The following WWP2 variants were observed in gnomAD, a reference collection of about 807,000 sequenced individuals.
WWP2 encodes the protein WW domain containing E3 ubiquitin protein ligase 2.
Under a neutral mutation model 121.0 loss-of-function variants are expected in WWP2, and 57 were observed. The ratio of observed to expected loss-of-function variants is 0.47; its 90% confidence interval spans 0.38 to 0.59. WWP2 has a LOEUF of 0.59. Among genes scored for constraint, WWP2 ranks in the 20% least tolerant of loss-of-function variants. The pLI, the probability that WWP2 is intolerant of heterozygous loss-of-function variation, is 0.00. For synonymous variants in WWP2, 449 were observed against 441.3 expected (o/e 1.02, Z -0.22); for missense variants, 962 against 1,158.9 (o/e 0.83, Z 2.47).
intron 1 of WWP2, among the ~76,000 whole-genome samples, chr16:69,778,695 G>C (rs2055593851): frequency 6.6e-6 from 1 of 152,084 alleles, no homozygotes; most frequent in African/African-American, 2.4e-5. Context: ...AGGCTGGAGT[G>C]CAGTGGTGCG....
intron 7 of WWP2, among the ~76,000 whole-genome samples, chr16:69,876,354 G>GT (rs57953452): frequency 0.01 from 1,367 of 134,558 alleles, 17 homozygotes; most frequent in African/African-American, 0.026. Flanking sequence ...GTTTTTTGGG[G>GT]TTTTTTTTTT....
In WWP2 at chr16:69,925,101, G is replaced by T; in HGVS notation, c.1180-329G>T. 9.3e-7 allele frequency: 1 copy of T among 1,078,750 alleles called. No homozygotes were observed. Among genetic ancestry groups the T allele is most frequent in the Non-Finnish European group, 1.1e-6 (1 of 890,140 alleles). The allele number at this position is 1,078,750 out of a possible 1,614,324, so 66.8% of individuals were successfully genotyped here. A position where few individuals can be genotyped will look rare whatever the true frequency, so the allele number is the denominator to read the frequency against. On this transcript the variant is annotated intron_variant, in intron 10 of 23. Coordinates refer to ENST00000359154, the MANE Select transcript of WWP2 (RefSeq NM_001270454.2). The surrounding 1 kb of genome is among the most constrained non-coding windows in gnomAD (Gnocchi z 4.0). ...GCACTGGGCCGAGCCTGCTTCCCGG[G>T]CCTTCCTACCATGCCAGGGCTGCTC...
At chr16:69,909,199 G>A in intron 9 of WWP2, 1 of 1,019,304 alleles carries the variant, frequency 9.8e-7, no homozygotes, top group Non-Finnish European at 1.2e-6. Context: ...CAAAGGATGA[G>A]AGAGGCTTCC....
intron 4 of WWP2, among the ~76,000 whole-genome samples, chr16:69,831,451 G>GT (rs1364696042): frequency 2.0e-5 from 3 of 151,894 alleles, no homozygotes; most frequent in South Asian, 2.1e-4. Context: ...AGTTTATGTA[G>GT]TTTTTTTTCT....
At chr16:69,895,044 T>G (rs548119585) in intron 8 of WWP2, 33 of 152,360 alleles carry the variant, frequency 2.2e-4, no homozygotes, top group African/African-American at 7.7e-4. Flanking sequence ...GGATGTTTTC[T>G]GGATCTTTCG....
chr16:69,886,496 A>G (rs887729140), intron 7 of WWP2, among the ~76,000 whole-genome samples: 4 of 152,008 alleles, frequency 2.6e-5, no homozygotes, highest in South Asian at 2.1e-4. Context: ...GCCCTGGCTC[A>G]TGCCTGTAAT....
At chr16:69,918,401 A>T (rs1358278099) in intron 10 of WWP2, among the ~76,000 whole-genome samples, 1 of 152,234 alleles carries the variant, frequency 6.6e-6, no homozygotes, top group African/African-American at 2.4e-5. Flanking sequence ...ATAATAGTCC[A>T]TGGGCCAAGC....
rs2056116389 is a variant in WWP2 at position 69,799,460 on chromosome 16, C to T, written c.340+165C>T. The T allele has an allele frequency of 1.1e-5, 10 of 910,040 alleles. No individual in the cohort carries two copies. Among genetic ancestry groups the T allele is most frequent in the Non-Finnish European group, 1.6e-5 (10 of 627,006 alleles). The allele number at this position is 910,040 out of a possible 1,614,324, so 56.4% of individuals were successfully genotyped here. On this transcript the variant is annotated intron_variant, in intron 4 of 23. Transcript: ENST00000359154. The surrounding 1 kb of genome is among the most constrained non-coding windows in gnomAD (Gnocchi z 4.5). ...TGGGAAGGCTGAGGGCTCCTCTCTG[C>T]CTCCACTACAGAGTTTAGCCCTCTT... is the stretch of plus-strand genomic sequence containing the variant.
At chr16:69,870,827 C>T (rs941352375) in intron 6 of WWP2, among the ~76,000 whole-genome samples, 1 of 152,148 alleles carries the variant, frequency 6.6e-6, no homozygotes, top group Admixed American at 6.5e-5. Context: ...ACTGAGTGGG[C>T]AAAGTCAAGC....
At chr16:69,822,249 G>C (rs1417967807) in intron 4 of WWP2, among the ~76,000 whole-genome samples, 1 of 152,074 alleles carries the variant, frequency 6.6e-6, no homozygotes, top group African/African-American at 2.4e-5. Flanking sequence ...CTTCTCTGTA[G>C]GGCATTTTCT....
intron 10 of WWP2, among the ~76,000 whole-genome samples, chr16:69,922,390 C>G (rs1023951880): frequency 6.6e-6 from 1 of 152,208 alleles, no homozygotes; most frequent in African/African-American, 2.4e-5. Context: ...GTGCTTAGTT[C>G]CCAAGGGACT....
intron 19 of WWP2, 36 bp downstream of exon 19, chr16:69,936,488 T>C (rs764387748): frequency 5.4e-5 from 87 of 1,611,498 alleles, no homozygotes; most frequent in Non-Finnish European, 6.6e-5. Flanking sequence ...GCTCCAGGGG[T>C]GGCGTGGAGA....
At chr16:69,876,748 G>C (rs574735430) in intron 7 of WWP2, among the ~76,000 whole-genome samples, 1 of 152,138 alleles carries the variant, frequency 6.6e-6, no homozygotes. Context: ...TTGTGTTAGC[G>C]GGCATGAAAA....
At chr16:69,901,698 A>G (rs925391715) in intron 8 of WWP2, among the ~76,000 whole-genome samples, 3 of 152,236 alleles carry the variant, frequency 2.0e-5, no homozygotes, top group African/African-American at 7.2e-5. Flanking sequence ...AGTGAAAAGT[A>G]AGCAAATTAA....
At chr16:69,762,807 A>G (rs1597625325) in intron 1 of WWP2, among the ~76,000 whole-genome samples, 2 of 152,238 alleles carry the variant, frequency 1.3e-5, no homozygotes, top group East Asian at 1.9e-4. Context: ...CCAGAGGGAA[A>G]AAGATGCTGC....
intron 8 of WWP2, among the ~76,000 whole-genome samples, chr16:69,889,977 C>T (rs963377729): frequency 6.6e-6 from 1 of 152,086 alleles, no homozygotes; most frequent in African/African-American, 2.4e-5. Context: ...TTGTTTGAGA[C>T]AGGGTCTCAC....
chr16:69,793,813 T>C (rs1285898339), intron 2 of WWP2, among the ~76,000 whole-genome samples: 1 of 152,072 alleles, frequency 6.6e-6, no homozygotes, highest in Non-Finnish European at 1.5e-5. Flanking sequence ...TACCTACCTC[T>C]TATTAGAATT....
intron 6 of WWP2, among the ~76,000 whole-genome samples, chr16:69,857,109 T>C (rs1004973762): frequency 9.2e-5 from 14 of 152,094 alleles, no homozygotes; most frequent in African/African-American, 2.9e-4. Flanking sequence ...TTTCCACTTT[T>C]TTTACTTTTT....
intron 4 of WWP2, among the ~76,000 whole-genome samples, chr16:69,834,781 G>A (rs1285275613): frequency 1.3e-5 from 2 of 151,414 alleles, no homozygotes; most frequent in Admixed American, 6.6e-5. Flanking sequence ...GCCTGCCTTG[G>A]CCTCTGAAAG....
Sources: allele counts gnomAD v4.1 joint callset (sites outside exome capture counted in the v4.1 genomes callset), GRCh38; gene constraint gnomAD v4.1.1; non-coding constraint Gnocchi (gnomAD v3.1); transcripts MANE v1.5; gene names NCBI Gene and HGNC (gene_info 2026-07-23, HGNC 2026-07-21).